Variants in SHANK2 observed in about 807,000 individuals in gnomAD.
SHANK2 encodes the protein SH3 and multiple ankyrin repeat domains 2.
A neutral mutation model predicts 133.7 loss-of-function variants in SHANK2; 43 were observed. That is an observed-to-expected ratio of 0.32 (90% CI 0.25 to 0.41). The LOEUF (loss-of-function observed/expected upper bound fraction) is 0.41, where lower values mean the gene tolerates loss of function less well. Among genes scored for constraint, SHANK2 ranks in the 10% least tolerant of loss-of-function variants. SHANK2 has a pLI of 1.00. For missense variants in SHANK2, 1,994 were observed against 2,235.8 expected (o/e 0.89, Z 2.18); for synonymous variants, 1,017 against 952.8 (o/e 1.07, Z -1.24).
chr11:70,632,360 C>A (rs982394936), intron 17 of SHANK2, among the ~76,000 whole-genome samples: 2 of 151,884 alleles, frequency 1.3e-5, no homozygotes. Context: ...CTCCTGACCT[C>A]GTGATCCGCC....
intron 15 of SHANK2, among the ~76,000 whole-genome samples, chr11:70,670,518 C>T (rs1185795008): frequency 6.6e-6 from 1 of 152,190 alleles, no homozygotes; most frequent in Non-Finnish European, 1.5e-5. Flanking sequence ...CACAGAGGGC[C>T]GCTCGACAGG....
intron 17 of SHANK2, among the ~76,000 whole-genome samples, chr11:70,537,938 C>T (rs143588904): frequency 0.013 from 1,951 of 152,328 alleles, 46 homozygotes; most frequent in African/African-American, 0.045. Flanking sequence ...GGCCAGTCAC[C>T]TGCCCTAGCT....
In SHANK2 at chr11:70,804,348, G is replaced by A. The variant is rs1484517588; in HGVS notation, c.1663+2654C>T. ...GCACCGACAGCTCGGCAGGAAGGAA[G>A]AGCGGTGCCACTGGCAGCAGGAAGG... On this transcript the variant is annotated intron_variant, in intron 13 of 25. Transcript: ENST00000601538. This position sits in a 1 kb window ranked among gnomAD's most constrained non-coding sequence, Gnocchi z 4.1. Among the ~76,000 whole-genome samples the A allele has an allele frequency of 2.0e-5, 3 of 152,378 alleles. No homozygotes were observed. The highest frequency in any genetic ancestry group is 7.2e-5 in the African/African-American group (3 of 41,598).
At chr11:70,854,860 G>A (rs1219673750) in intron 11 of SHANK2, among the ~76,000 whole-genome samples, 1 of 152,238 alleles carries the variant, frequency 6.6e-6, no homozygotes, top group Non-Finnish European at 1.5e-5. Flanking sequence ...ACAGAGCAGG[G>A]ACTAGGCACT....
chr11:70,590,564 C>T (rs749815696), intron 17 of SHANK2, among the ~76,000 whole-genome samples: 3 of 152,202 alleles, frequency 2.0e-5, no homozygotes, highest in Admixed American at 6.5e-5. Flanking sequence ...CGGCAACCAC[C>T]GCTCTCATCA....
intron 10 of SHANK2, among the ~76,000 whole-genome samples, chr11:70,899,189 T>C (rs941924032): frequency 1.3e-5 from 2 of 152,110 alleles, no homozygotes; most frequent in Non-Finnish European, 2.9e-5. Flanking sequence ...ATGATCCCCA[T>C]GTGTCGAGGG....
intron 14 of SHANK2, among the ~76,000 whole-genome samples, chr11:70,756,887 G>A (rs374872389): frequency 6.6e-6 from 1 of 151,060 alleles, no homozygotes; most frequent in Admixed American, 6.6e-5. Context: ...TTACAAAAGA[G>A]AACGGATACA....
intron 11 of SHANK2, among the ~76,000 whole-genome samples, chr11:70,831,755 C>T (rs1392980400): frequency 6.6e-6 from 1 of 152,282 alleles, no homozygotes; most frequent in African/African-American, 2.4e-5. Flanking sequence ...CAGCAAGACT[C>T]AGAGGTGCTC....
In SHANK2 at chr11:70,486,908, C is replaced by G. The variant is rs782565293; in HGVS notation, c.3385G>C (p.Glu1129Gln). The G allele has an allele frequency of 2.5e-6, 4 of 1,612,664 alleles. No homozygotes were observed. The South Asian group carries it at 4.4e-5, about 18-fold the overall frequency. Residue 1129 changes from glutamate (E) to glutamine (Q), a missense_variant, in exon 25 of 26, where the codon GAG becomes CAG. Glu to Gln is a conservative substitution (Grantham distance 29, BLOSUM62 2). Coordinates refer to ENST00000601538, the MANE Select transcript of SHANK2 (RefSeq NM_012309.5). This position sits in a 1 kb window ranked among gnomAD's most constrained non-coding sequence, Gnocchi z 8.0. ...CTGTCCTCGTCAGCAAAATCCCCCT[C>G]CTCGGGGAACATGGAGGGCCGCGTC... is the stretch of plus-strand genomic sequence containing the variant. Reference protein sequence around the residue: ...PRTRPSMFPEEGDFADEDSAE... With the variant: ...PRTRPSMFPEQGDFADEDSAE...
At chr11:70,491,557 A>AG (rs2058887397) in intron 22 of SHANK2, among the ~76,000 whole-genome samples, 2 of 152,254 alleles carry the variant, frequency 1.3e-5, no homozygotes, top group Admixed American at 1.3e-4. Flanking sequence ...TAATATTTAT[A>AG]GGTGTTATTG....
intron 8 of SHANK2, among the ~76,000 whole-genome samples, chr11:71,077,203 A>G (rs956550186): frequency 1.2e-4 from 18 of 152,184 alleles, no homozygotes; most frequent in African/African-American, 2.9e-4. Flanking sequence ...GCACTCCCCA[A>G]AGGACTTCTG....
intron 14 of SHANK2, among the ~76,000 whole-genome samples, chr11:70,781,636 C>A (rs1174944510): frequency 7.6e-6 from 1 of 131,492 alleles, no homozygotes; most frequent in Admixed American, 8.9e-5. Context: ...GCACAACGTG[C>A]AGGTTTGTTA....
At chr11:70,623,563 G>C (rs1434684256) in intron 17 of SHANK2, among the ~76,000 whole-genome samples, 1 of 152,236 alleles carries the variant, frequency 6.6e-6, no homozygotes, top group Non-Finnish European at 1.5e-5. Context: ...AAGGAAGGAA[G>C]GAGAGAGGGG....
chr11:70,793,680 C>T (rs956310499), intron 14 of SHANK2, among the ~76,000 whole-genome samples: 2 of 152,092 alleles, frequency 1.3e-5, no homozygotes, highest in African/African-American at 4.8e-5. Context: ...ACTGATATTG[C>T]CAAATGTTGA....
intron 2 of SHANK2, among the ~76,000 whole-genome samples, chr11:71,198,188 A>T (rs920882109): frequency 1.3e-5 from 2 of 151,974 alleles, no homozygotes; most frequent in Non-Finnish European, 2.9e-5. Context: ...TGCTCAAGAG[A>T]TCCTCTCGCC....
intron 14 of SHANK2, among the ~76,000 whole-genome samples, chr11:70,731,027 G>A (rs1479038111): frequency 1.3e-5 from 2 of 152,070 alleles, no homozygotes; most frequent in African/African-American, 2.4e-5. Flanking sequence ...ACTAACCTGT[G>A]TGCCCGCAAC....
At chr11:71,161,777 G>A (rs1953024044) in intron 2 of SHANK2, among the ~76,000 whole-genome samples, 1 of 152,168 alleles carries the variant, frequency 6.6e-6, no homozygotes, top group East Asian at 1.9e-4. Flanking sequence ...AAATCAAGCT[G>A]CAACCCAACT....
At chr11:70,869,935 C>T (rs1555069850) in intron 11 of SHANK2, among the ~76,000 whole-genome samples, 2 of 152,110 alleles carry the variant, frequency 1.3e-5, no homozygotes, top group Non-Finnish European at 2.9e-5. Context: ...TCTCACACAC[C>T]CAGAAACCCT....
chr11:70,884,770 G>C (rs180806770), intron 11 of SHANK2, among the ~76,000 whole-genome samples: 6 of 152,270 alleles, frequency 3.9e-5, no homozygotes, highest in East Asian at 3.9e-4. Context: ...GCCCAGGCTG[G>C]AGTGCAATGG....
Sources: gnomAD v4.1 joint callset for allele counts (sites outside exome capture counted in the v4.1 genomes callset) on GRCh38, gnomAD v4.1.1 for gene constraint, Gnocchi (gnomAD v3.1) non-coding constraint, MANE v1.5 for transcripts, NCBI Gene and HGNC (gene_info 2026-07-23, HGNC 2026-07-21) for gene names.